Variants in GALNTL5 observed in about 807,000 individuals in gnomAD.
GALNTL5 encodes the protein polypeptide N-acetylgalactosaminyltransferase like 5.
Under a neutral mutation model 51.0 loss-of-function variants are expected in GALNTL5, and 44 were observed. The observed-to-expected ratio is 0.86, with a 90% CI of 0.68 to 1.11. The LOEUF is 1.11. GALNTL5 is among the 50% of genes least tolerant of loss of function. The pLI, the probability that GALNTL5 is intolerant of heterozygous loss-of-function variation, is 0.00. For synonymous variants in GALNTL5, 192 were observed against 182.8 expected, an observed-to-expected ratio of 1.05 and a Z score of -0.41; for missense variants, 528 against 531.8, an observed-to-expected ratio of 0.99 and a Z score of 0.07.
At chr7:151,972,699 C>T (rs993499859) in intron 3 of GALNTL5, among the ~76,000 whole-genome samples, 2 of 152,316 alleles carry the variant, frequency 1.3e-5, no homozygotes, top group South Asian at 4.1e-4. Context: ...AAGCTCCAAG[C>T]CTTGGTGGCT....
intron 1 of GALNTL5, among the ~76,000 whole-genome samples, chr7:151,961,900 A>G (rs1185682081): frequency 1.3e-5 from 2 of 152,212 alleles, no homozygotes; most frequent in South Asian, 4.1e-4. Context: ...AAATCTTATA[A>G]AGAAAATCAG....
At chr7:151,993,910 C>A (rs1339119758) in intron 5 of GALNTL5, among the ~76,000 whole-genome samples, 1 of 152,166 alleles carries the variant, frequency 6.6e-6, no homozygotes. Flanking sequence ...GCATGAGCCA[C>A]CACACATGGC....
intron 8 of GALNTL5, 80 bp from the exon 9 acceptor site, chr7:152,019,566 C>T (rs1375800221): frequency 1.2e-5 from 16 of 1,327,340 alleles, no homozygotes; most frequent in Middle Eastern, 1.9e-4. Context: ...AAAATACATG[C>T]GTCTATGTTA....
chr7:151,965,967 T>TTA (rs199822310), intron 1 of GALNTL5, among the ~76,000 whole-genome samples: 429 of 151,402 alleles, frequency 2.8e-3, no homozygotes, highest in African/African-American at 7.9e-3. Flanking sequence ...AAATTCACTA[T>TTA]TATATATATA....
At position 152,019,784 on chromosome 7, in the gene GALNTL5, T is replaced by A. The variant is rs371206895; in HGVS notation, c.1315T>A (p.Ser439Thr). 1.1e-5 allele frequency: 17 copies of A among 1,612,164 alleles called. No individual in the cohort carries two copies. The East Asian group carries it at 2.0e-4, about 19-fold the overall frequency. ...LDNVFPELEA[S>T]VNSL ...TAATGTCTTCCCAGAGTTGGAGGCA[T>A]CTGTGAACAGCCTGTGAAAGGAAAA... Residue 439 changes from serine (S) to threonine (T), a missense_variant, in exon 9 of 9, where the codon TCT becomes ACT. By Grantham distance (58) the Ser-to-Thr change is moderately conservative. Transcript: ENST00000392800.
At chr7:152,000,055 C>T (rs1293427478) in intron 5 of GALNTL5, among the ~76,000 whole-genome samples, 1 of 152,070 alleles carries the variant, frequency 6.6e-6, no homozygotes, top group Non-Finnish European at 1.5e-5. Context: ...GACATCAATA[C>T]AATAAAATTG....
At chr7:152,007,416 T>C (rs917189821) in intron 6 of GALNTL5, among the ~76,000 whole-genome samples, 141 of 70,322 alleles carry the variant, frequency 2.0e-3, no homozygotes, top group African/African-American at 5.3e-3. Flanking sequence ...GTTTTCTCTT[T>C]TTTTTTTTTT....
At chr7:152,015,982 C>T (rs943912409) in intron 8 of GALNTL5, among the ~76,000 whole-genome samples, 29 of 152,126 alleles carry the variant, frequency 1.9e-4, no homozygotes, top group African/African-American at 6.8e-4. Context: ...TTATGTTTCT[C>T]TAACTGAAAA....
Position 152,014,691 on chromosome 7 carries a change from A to C in GALNTL5, c.1074A>C (p.Val358=). 1 of 1,613,856 alleles carries C rather than the reference A, an allele frequency of 6.2e-7. No individual in the cohort carries two copies. The highest frequency in any genetic ancestry group is 2.2e-5 in the East Asian group (1 of 44,876). Reference sequence around the variant, plus strand: ...TCTTTATAATCCCCTGCTCTCGAGTAGGACATATCAGTAAGAAACAAACTG... The same window carrying C: ...TCTTTATAATCCCCTGCTCTCGAGTCGGACATATCAGTAAGAAACAAACTG... ...GQLFIIPCSR[V]GHISKKQTGK... The change falls in exon 8 of 9, where the codon GTA becomes GTC. Residue 358 remains valine, a synonymous_variant. Transcript: ENST00000392800.
chr7:151,997,372 C>T (rs772506105), intron 5 of GALNTL5, among the ~76,000 whole-genome samples: 8 of 152,152 alleles, frequency 5.3e-5, no homozygotes, highest in Non-Finnish European at 1.2e-4. Context: ...GTAGAGCAAC[C>T]GTCCTTTCCT....
chr7:152,015,026 G>A (rs527442544), intron 8 of GALNTL5, among the ~76,000 whole-genome samples: 1 of 152,246 alleles, frequency 6.6e-6, no homozygotes, highest in East Asian at 1.9e-4. Context: ...CCTTCCTGAG[G>A]GTGGACTGTG....
chr7:151,997,542 T>C (rs1174891723), intron 5 of GALNTL5, among the ~76,000 whole-genome samples: 1 of 152,236 alleles, frequency 6.6e-6, no homozygotes, highest in Non-Finnish European at 1.5e-5. Flanking sequence ...ATGTAGGTGC[T>C]AGGTGGCCTG....
chr7:151,966,907 T>A (rs932455751), intron 1 of GALNTL5, among the ~76,000 whole-genome samples: 6 of 152,240 alleles, frequency 3.9e-5, no homozygotes, highest in African/African-American at 1.4e-4. Flanking sequence ...AGACTGGATC[T>A]GGATAAGGGA....
At chr7:151,966,220 T>C (rs1444607011) in intron 1 of GALNTL5, among the ~76,000 whole-genome samples, 1 of 152,078 alleles carries the variant, frequency 6.6e-6, no homozygotes, top group African/African-American at 2.4e-5. Context: ...AGTTCTCCTG[T>C]TGAGGGAAAC....
At chr7:151,960,425 C>T (rs1005388244) in intron 1 of GALNTL5, 1 of 152,234 alleles carries the variant, frequency 6.6e-6, no homozygotes, top group African/African-American at 2.4e-5. Context: ...CCCTAAAATC[C>T]CCTTTACAGC....
At chr7:151,992,113 A>T (rs556490967) in intron 5 of GALNTL5, among the ~76,000 whole-genome samples, 1 of 152,320 alleles carries the variant, frequency 6.6e-6, no homozygotes, top group Non-Finnish European at 1.5e-5. Context: ...TTGATCTTGT[A>T]AATAGAAACC....
intron 3 of GALNTL5, among the ~76,000 whole-genome samples, chr7:151,980,298 G>T (rs1485580151): frequency 6.6e-6 from 1 of 152,178 alleles, no homozygotes; most frequent in Non-Finnish European, 1.5e-5. Flanking sequence ...TGGCCAGGCT[G>T]CTCTCAAACC....
chr7:151,997,174 T>TA (rs1043312552), intron 5 of GALNTL5, among the ~76,000 whole-genome samples: 3 of 152,194 alleles, frequency 2.0e-5, no homozygotes, highest in Non-Finnish European at 4.4e-5. Flanking sequence ...TTTCCACAAA[T>TA]ACTCTTTGGA....
At chr7:151,990,726 T>G (rs2081418038) in intron 5 of GALNTL5, among the ~76,000 whole-genome samples, 1 of 151,986 alleles carries the variant, frequency 6.6e-6, no homozygotes, top group Non-Finnish European at 1.5e-5. Context: ...ACCAAGGCTC[T>G]TAGGAAGCTG....
Sources: allele counts gnomAD v4.1 joint callset (sites outside exome capture counted in the v4.1 genomes callset), GRCh38; gene constraint gnomAD v4.1.1; transcripts MANE v1.5; gene names NCBI Gene and HGNC (gene_info 2026-07-23, HGNC 2026-07-21).